ANK2: variants seen among roughly 807,000 people sequenced by gnomAD.
ANK2 encodes ankyrin 2, also known as ankyrin-2.
A neutral mutation model predicts 360.5 loss-of-function variants in ANK2; 83 were observed. The ratio of observed to expected loss-of-function variants is 0.23; its 90% CI spans 0.19 to 0.28. The LOEUF (loss-of-function observed/expected upper bound fraction) is 0.28. Ranked by LOEUF, ANK2 falls within the 10% of genes least tolerant of loss-of-function variation. ANK2 has a pLI of 1.00. For missense variants in ANK2, 4,201 were observed against 4,795.7 expected (o/e 0.88, Z 3.66); for synonymous variants, 1,740 against 1,759.5 (o/e 0.99, Z 0.28).
At chr4:112,877,073 C>T (rs1329302196) in intron 1 of ANK2, among the ~76,000 whole-genome samples, 1 of 152,154 alleles carries the variant, frequency 6.6e-6, no homozygotes, top group Admixed American at 6.5e-5. Context: ...CCTTTCTCCC[C>T]ATCTTCACCT....
Position 113,282,658 on chromosome 4 carries a change from AT to A in ANK2, c.1882-12del, listed in dbSNP as rs1332832866. The A allele has an allele frequency of 2.5e-6, 4 of 1,592,690 alleles. No homozygotes were observed. The highest frequency in any genetic ancestry group is 1.7e-5 in the Admixed American group (1 of 58,320). The stretch of plus-strand genomic sequence containing the variant: ...ATCTTACTCTATATGCATGTGTTTT[AT>A]TTTTGTTCTTTTTAGAATGGCTATA... On this transcript the variant is annotated splice_polypyrimidine_tract_variant and intron_variant, in intron 17 of 45. Transcript: ENST00000357077.
At chr4:113,230,726 T>A (rs919980556) in intron 4 of ANK2, among the ~76,000 whole-genome samples, 1 of 152,208 alleles carries the variant, frequency 6.6e-6, no homozygotes, top group African/African-American at 2.4e-5. Flanking sequence ...AAGGCTCTGA[T>A]GAAAAGAAAA....
At chr4:112,925,104 C>T (rs1403247964) in intron 2 of ANK2, among the ~76,000 whole-genome samples, 2 of 152,136 alleles carry the variant, frequency 1.3e-5, no homozygotes, top group Non-Finnish European at 2.9e-5. Flanking sequence ...TTCCAAAGTG[C>T]TGGGATTACA....
chr4:113,049,843 A>G (rs1277842015), intron 1 of ANK2, 31 bp downstream of exon 1: 2 of 1,609,790 alleles, frequency 1.2e-6, no homozygotes, highest in Non-Finnish European at 1.7e-6. Flanking sequence ...ATGTCTGTGT[A>G]TAAATATGTA....
the ANK2 span, among the ~76,000 whole-genome samples, chr4:112,812,720 A>G: frequency 7.2e-5 from 11 of 152,358 alleles, no homozygotes; most frequent in Non-Finnish European, 1.3e-4. Context: ...TTACATAGCC[A>G]TAGTAACTAG....
intron 2 of ANK2, among the ~76,000 whole-genome samples, chr4:113,041,639 T>C (rs2062981810): frequency 6.6e-6 from 1 of 152,178 alleles, no homozygotes; most frequent in Non-Finnish European, 1.5e-5. Flanking sequence ...ACTACATGGT[T>C]CACAAGGTAT....
At chr4:112,975,288 T>A (rs951133998) in intron 2 of ANK2, among the ~76,000 whole-genome samples, 1 of 152,234 alleles carries the variant, frequency 6.6e-6, no homozygotes, top group African/African-American at 2.4e-5. Context: ...TCATGATGAT[T>A]ATTATTTCAA....
At chr4:113,143,594 G>T (rs2096722544) in intron 1 of ANK2, among the ~76,000 whole-genome samples, 1 of 152,148 alleles carries the variant, frequency 6.6e-6, no homozygotes. Context: ...AAGTGTGCGT[G>T]GGGGAGTGCA....
upstream of ANK2, among the ~76,000 whole-genome samples, chr4:113,046,994 A>G (rs143161314): frequency 1.2e-3 from 190 of 152,352 alleles, no homozygotes; most frequent in African/African-American, 4.2e-3. Context: ...AAACACATTG[A>G]TTGAAAAACG....
intron 2 of ANK2, among the ~76,000 whole-genome samples, chr4:112,926,851 G>A (rs1262565437): frequency 1.3e-5 from 2 of 152,166 alleles, no homozygotes; most frequent in Non-Finnish European, 2.9e-5. Flanking sequence ...TATTGTATTA[G>A]TCCATTCTCA....
chr4:113,281,591 C>G (rs1206381241), intron 17 of ANK2, among the ~76,000 whole-genome samples: 1 of 151,986 alleles, frequency 6.6e-6, no homozygotes, highest in African/African-American at 2.4e-5. Context: ...AGCACTTGGT[C>G]ATTATGCTCT....
At chr4:113,154,394 A>T (rs892889754) in intron 1 of ANK2, among the ~76,000 whole-genome samples, 1 of 152,236 alleles carries the variant, frequency 6.6e-6, no homozygotes, top group Non-Finnish European at 1.5e-5. Context: ...TCAAAATTTC[A>T]TTCCATTGTT....
At chr4:112,976,354 A>G (rs1204242163) in intron 2 of ANK2, among the ~76,000 whole-genome samples, 1 of 151,940 alleles carries the variant, frequency 6.6e-6, no homozygotes, top group East Asian at 1.9e-4. Flanking sequence ...CTACCACGAC[A>G]GGCTAATTTT....
At chr4:113,133,893 G>A (rs1297769410) in intron 1 of ANK2, among the ~76,000 whole-genome samples, 1 of 152,168 alleles carries the variant, frequency 6.6e-6, no homozygotes, top group Admixed American at 6.5e-5. Flanking sequence ...ATAAAGAAGA[G>A]TAGCTGGGAT....
chr4:113,258,493 C>A, intron 13 of ANK2, 82 bp downstream of exon 13: 1 of 1,349,778 alleles, frequency 7.4e-7, no homozygotes, highest in South Asian at 1.2e-5. Context: ...TGTGTGTTTG[C>A]GTGTATGTCA....
intron 13 of ANK2, among the ~76,000 whole-genome samples, chr4:113,260,732 C>T (rs1359309129): frequency 6.6e-6 from 1 of 152,182 alleles, no homozygotes; most frequent in Non-Finnish European, 1.5e-5. Context: ...ATCTGGCAAT[C>T]CTACATTTAG....
the ANK2 span, among the ~76,000 whole-genome samples, chr4:112,723,162 C>T: frequency 1.3e-5 from 2 of 152,066 alleles, no homozygotes; most frequent in Non-Finnish European, 2.9e-5. Flanking sequence ...ATCTCACGAA[C>T]CTGGAATTAA....
intron 1 of ANK2, among the ~76,000 whole-genome samples, chr4:112,859,955 C>A (rs1478810699): frequency 6.6e-6 from 1 of 152,214 alleles, no homozygotes. Flanking sequence ...CACTGCTCTG[C>A]CAGCAATACA....
At chr4:112,901,694 C>T (rs1019082650) in intron 1 of ANK2, among the ~76,000 whole-genome samples, 11 of 151,924 alleles carry the variant, frequency 7.2e-5, no homozygotes, top group Admixed American at 6.6e-4. Flanking sequence ...AACCCCGTCT[C>T]TACTAAAAAT....
Sources: allele counts gnomAD v4.1 joint callset (sites outside exome capture counted in the v4.1 genomes callset), GRCh38; gene constraint gnomAD v4.1.1; transcripts MANE v1.5; gene names NCBI Gene and HGNC (gene_info 2026-07-23, HGNC 2026-07-21).